The following PDE12 variants were observed in gnomAD, a reference collection of about 807,000 sequenced individuals.
PDE12 encodes 2',5'-phosphodiesterase 12.
PDE12 carries 26 observed loss-of-function variants against 45.4 expected under a neutral mutation model. The ratio of observed to expected loss-of-function variants is 0.57; its 90% CI spans 0.42 to 0.79. PDE12 has a LOEUF of 0.79. Ranked by LOEUF, PDE12 falls within the 30% of genes least tolerant of loss-of-function variation. The pLI, the probability that PDE12 is intolerant of heterozygous loss-of-function variation, is 0.00. For missense variants in PDE12, 668 were observed against 790.0 expected, an observed-to-expected ratio of 0.85 and a Z score of 1.85; for synonymous variants, 283 against 323.9, an observed-to-expected ratio of 0.87 and a Z score of 1.36.
chr3:57,654,776 A>G, the PDE12 span: 1 of 985,294 alleles, frequency 1.0e-6, no homozygotes, highest in Non-Finnish European at 1.2e-6. Context: ...TGCTACTCAA[A>G]TTCAAATGCC....
At chr3:57,639,027 G>A in the PDE12 span, among the ~76,000 whole-genome samples, 7 of 152,298 alleles carry the variant, frequency 4.6e-5, no homozygotes, top group Middle Eastern at 3.4e-3. Context: ...GGGCCCAGGA[G>A]TTCAAGGTTA....
In PDE12 at chr3:57,562,902, A is replaced by G. The variant is rs1310600372; in HGVS notation, c.*2898A>G. ...TAGTGATTTTTCTGAGTACTAAGCT[A>G]TGATCTCATCAGAATGTGCTGGTTT... On this transcript the variant is annotated 3_prime_UTR_variant, in exon 3 of 3. Coordinates refer to ENST00000311180, the MANE Select transcript of PDE12 (RefSeq NM_177966.7). 2 of 152,194 alleles carry G rather than the reference A, an allele frequency of 1.3e-5. No individual in the cohort carries two copies. Among genetic ancestry groups the G allele is most frequent in the African/African-American group, 4.8e-5 (2 of 41,454 alleles). The allele number at this position is 152,194 out of a possible 1,614,324, so 9.4% of individuals were successfully genotyped here.
At chr3:57,641,882 C>A in the PDE12 span, 8 of 591,596 alleles carry the variant, frequency 1.4e-5, no homozygotes. Context: ...CATTACATAT[C>A]AACTACATGC....
At chr3:57,616,053 C>CTGCTCATGCCTGT in the PDE12 span, among the ~76,000 whole-genome samples, 1 of 152,112 alleles carries the variant, frequency 6.6e-6, no homozygotes, top group Non-Finnish European at 1.5e-5. Context: ...GCCAGGCGTG[C>CTGCTCATGCCTGT]TGCTCATGCC....
the PDE12 span, among the ~76,000 whole-genome samples, chr3:57,644,701 GA>G: frequency 2.9e-5 from 2 of 69,186 alleles, no homozygotes; most frequent in Non-Finnish European, 2.9e-5. Context: ...GAGGGGAGGG[GA>G]GGGGAGGGGA....
At chr3:57,648,791 T>C in the PDE12 span, among the ~76,000 whole-genome samples, 1 of 152,052 alleles carries the variant, frequency 6.6e-6, no homozygotes, top group Non-Finnish European at 1.5e-5. Context: ...TAACAAATGG[T>C]GCTGAGATAA....
chr3:57,583,844 T>C, the PDE12 span: 1 of 1,284,496 alleles, frequency 7.8e-7, no homozygotes, highest in Non-Finnish European at 1.1e-6. Context: ...TAATAAAAAC[T>C]TTAGAGCATG....
At chr3:57,633,849 C>T in the PDE12 span, among the ~76,000 whole-genome samples, 1 of 151,580 alleles carries the variant, frequency 6.6e-6, no homozygotes, top group African/African-American at 2.4e-5. Context: ...CGAGATTGTG[C>T]TATTGCACTC....
chr3:57,573,942 T>C, the PDE12 span, among the ~76,000 whole-genome samples: 3 of 150,490 alleles, frequency 2.0e-5, no homozygotes, highest in Non-Finnish European at 4.4e-5. Context: ...TGTTTTTTTT[T>C]GTTTGTTTGT....
At chr3:57,617,004 A>G in the PDE12 span, among the ~76,000 whole-genome samples, 1 of 152,200 alleles carries the variant, frequency 6.6e-6, no homozygotes, top group Non-Finnish European at 1.5e-5. Context: ...AGCCTGGGTG[A>G]CAGAGCGAGA....
chr3:57,624,393 A>G, the PDE12 span, among the ~76,000 whole-genome samples: 1 of 151,672 alleles, frequency 6.6e-6, no homozygotes, highest in Non-Finnish European at 1.5e-5. Context: ...CTTGTGATCC[A>G]CCCATCTCAG....
chr3:57,644,897 C>T, the PDE12 span, among the ~76,000 whole-genome samples: 123,415 of 149,634 alleles, frequency 0.82, 51,117 homozygotes, highest in East Asian at 1. Flanking sequence ...TATTGATGAT[C>T]TGGCAAGAAC....
At chr3:57,597,360 G>A in the PDE12 span, 1 of 475,504 alleles carries the variant, frequency 2.1e-6, no homozygotes, top group South Asian at 2.3e-5. Context: ...GGCAGCTCCG[G>A]CTCTAGCCTT....
chr3:57,623,012 G>C, the PDE12 span, among the ~76,000 whole-genome samples: 4 of 152,212 alleles, frequency 2.6e-5, no homozygotes, highest in African/African-American at 9.6e-5. Flanking sequence ...CTGTGATGAT[G>C]GTTTTATGGG....
At chr3:57,592,772 C>A in the PDE12 span, among the ~76,000 whole-genome samples, 2 of 152,010 alleles carry the variant, frequency 1.3e-5, no homozygotes, top group African/African-American at 2.4e-5. Flanking sequence ...ATCAGAAGAG[C>A]CTGTTTTTTT....
the PDE12 span, among the ~76,000 whole-genome samples, chr3:57,593,701 T>C: frequency 1.3e-5 from 2 of 152,288 alleles, no homozygotes; most frequent in South Asian, 4.1e-4. Flanking sequence ...CTTAACAACA[T>C]TACATCTTAT....
chr3:57,560,894 C>T lies in PDE12; in HGVS notation c.*890C>T, dbSNP rs1291594802. ...TTTAGTTAGCGATTTACTACAATTT[C>T]AGAGCTTTAACAAAAGATAAAAATA... On this transcript the variant is annotated 3_prime_UTR_variant, in exon 3 of 3. Coordinates refer to ENST00000311180, the MANE Select transcript of PDE12 (RefSeq NM_177966.7). 1.0e-6 allele frequency: 1 copy of T among 985,116 alleles called. No individual in the cohort carries two copies. The highest frequency in any genetic ancestry group is 1.2e-6 in the Non-Finnish European group (1 of 829,408). 61.0% of individuals were successfully genotyped at this position (985,116 alleles called of 1,614,324 possible). A position where few individuals can be genotyped will look rare whatever the true frequency, so the allele number is the denominator to read the frequency against.
chr3:57,653,736 A>C, the PDE12 span, among the ~76,000 whole-genome samples: 1 of 137,966 alleles, frequency 7.2e-6, no homozygotes, highest in Admixed American at 7.4e-5. Flanking sequence ...ACAGAGCGAG[A>C]CTCCATCTAA....
the PDE12 span, chr3:57,645,548 A>C: frequency 1.5e-6 from 1 of 688,616 alleles, no homozygotes; most frequent in South Asian, 2.5e-5. Flanking sequence ...GCAGCTCCTC[A>C]AACTTTCCTT....
Sources: allele counts gnomAD v4.1 joint callset (sites outside exome capture counted in the v4.1 genomes callset), GRCh38; gene constraint gnomAD v4.1.1; transcripts MANE v1.5; gene names NCBI Gene and HGNC (gene_info 2026-07-23, HGNC 2026-07-21).